Variants in ZNF518A observed in about 807,000 individuals in gnomAD.
ZNF518A encodes zinc finger protein 518.
A neutral mutation model predicts 102.7 loss-of-function variants in ZNF518A; 47 were observed. The ratio of observed to expected loss-of-function variants is 0.46; its 90% CI spans 0.36 to 0.58. The LOEUF is 0.58. Ranked by LOEUF, ZNF518A falls within the 20% of genes least tolerant of loss-of-function variation. The probability of loss-of-function intolerance (pLI) is 0.00; values close to 1 mark genes in which losing one functional copy is unlikely to be tolerated. For missense variants in ZNF518A, 1,793 were observed against 1,699.8 expected (o/e 1.05, Z -0.96); for synonymous variants, 652 against 594.6 (o/e 1.10, Z -1.40).
At chr10:96,183,000 G>A (rs1038529665) in intron 1 of ZNF518A, among the ~76,000 whole-genome samples, 1 of 152,088 alleles carries the variant, frequency 6.6e-6, no homozygotes, top group Admixed American at 6.5e-5. Flanking sequence ...CAATTTCAGA[G>A]CCTGTTATTT....
Position 96,157,023 on chromosome 10 carries a change from A to G in ZNF518A, c.701A>G (p.Tyr234Cys), listed in dbSNP as rs587723841. ...ATTCATAGACATAATGAAATTCATT[A>G]TAAGTGTGGTAAATGTCATCATGTA... Reference protein sequence around the residue: ...QHIHRHNEIHYKCGKCHHVCF... With the variant: ...QHIHRHNEIHCKCGKCHHVCF... The change falls in exon 6 of 6, where the codon TAT becomes TGT. Residue 234 changes from tyrosine to cysteine, a missense_variant. This residue lies in a region of ZNF518A where 1,741 missense variants were observed against 1,622.6 expected (regional missense o/e 1.07). Coordinates refer to ENST00000316045, the MANE Select transcript of ZNF518A (RefSeq NM_001330736.2). The G allele has an allele frequency of 1.3e-5, 21 of 1,613,842 alleles. No individual in the cohort carries two copies. The highest frequency in any genetic ancestry group is 2.2e-5 in the East Asian group (1 of 44,876).
chr10:96,144,354 A>G (rs587684389), intron 3 of ZNF518A, among the ~76,000 whole-genome samples: 5 of 152,218 alleles, frequency 3.3e-5, no homozygotes, highest in African/African-American at 1.2e-4. Context: ...TCAATTCAGT[A>G]CACATACTTC....
chr10:96,183,940 G>A (rs1444083196), intron 1 of ZNF518A, among the ~76,000 whole-genome samples: 4 of 152,018 alleles, frequency 2.6e-5, no homozygotes, highest in African/African-American at 9.7e-5. Flanking sequence ...TATTATTGTT[G>A]GGTATCTAAA....
intron 3 of ZNF518A, among the ~76,000 whole-genome samples, chr10:96,154,393 T>TC (rs587649902): frequency 5.9e-4 from 90 of 152,208 alleles, no homozygotes; most frequent in African/African-American, 2.1e-3. Flanking sequence ...TTTCCTTCCT[T>TC]CTTTCGTTTC....
At chr10:96,167,530 G>C (rs2083148900), downstream of ZNF518A, among the ~76,000 whole-genome samples, 1 of 152,120 alleles carries the variant, frequency 6.6e-6, no homozygotes, top group Admixed American at 6.5e-5. Flanking sequence ...GTCTCACCAA[G>C]TAGAGAACAT....
At chr10:96,171,457 GA>G (rs2083172969) in intron 1 of ZNF518A, among the ~76,000 whole-genome samples, 1 of 152,166 alleles carries the variant, frequency 6.6e-6, no homozygotes, top group Non-Finnish European at 1.5e-5. Context: ...CCATTCATAT[GA>G]AATGTCAAGA....
At chr10:96,172,730 C>A (rs2083180824) in intron 1 of ZNF518A, among the ~76,000 whole-genome samples, 1 of 151,212 alleles carries the variant, frequency 6.6e-6, no homozygotes, top group Non-Finnish European at 1.5e-5. Flanking sequence ...TTTAAAATAG[C>A]CAAAGAAAAC....
intron 3 of ZNF518A, among the ~76,000 whole-genome samples, chr10:96,139,760 G>A (rs2081818515): frequency 6.6e-6 from 1 of 152,200 alleles, no homozygotes; most frequent in Non-Finnish European, 1.5e-5. Context: ...CAGTTAGGAG[G>A]ATGTTTTCAT....
rs587627772 is a variant in ZNF518A, at chr10:96,157,038, G to A, written c.716G>A (p.Cys239Tyr). Residue 239 changes from cysteine (C) to tyrosine (Y), a missense_variant, in exon 6 of 6, where the codon TGT becomes TAT. By Grantham distance (194) the Cys-to-Tyr change is radical. This residue lies in a region of ZNF518A where 1,741 missense variants were observed against 1,622.6 expected (regional missense o/e 1.07). Coordinates refer to ENST00000316045, the MANE Select transcript of ZNF518A (RefSeq NM_001330736.2). ...HNEIHYKCGK[C>Y]HHVCFTKGEL... ...GAAATTCATTATAAGTGTGGTAAAT[G>A]TCATCATGTATGTTTTACCAAAGGA... 1.2e-6 allele frequency: 2 copies of A among 1,613,706 alleles called. No individual in the cohort carries two copies. The highest frequency in any genetic ancestry group is 1.7e-5 in the Admixed American group (1 of 60,008).
chr10:96,189,721 T>TCAC (rs2083299498), intron 1 of ZNF518A: 3 of 720,276 alleles, frequency 4.2e-6, no homozygotes, highest in Non-Finnish European at 7.7e-6. Flanking sequence ...ATCATCATCA[T>TCAC]CATCATCATC....
intron 3 of ZNF518A, among the ~76,000 whole-genome samples, chr10:96,142,943 A>T (rs2082007961): frequency 6.6e-6 from 1 of 151,790 alleles, no homozygotes; most frequent in Non-Finnish European, 1.5e-5. Flanking sequence ...AGTAGCTGGG[A>T]TTACAGGCAC....
chr10:96,145,437 C>A (rs995608389), intron 3 of ZNF518A, among the ~76,000 whole-genome samples: 10 of 152,338 alleles, frequency 6.6e-5, no homozygotes, highest in African/African-American at 2.4e-4. Context: ...ATTCCCATTA[C>A]TTTTTAGGTA....
At chr10:96,141,514 T>C (rs2081925485) in intron 3 of ZNF518A, among the ~76,000 whole-genome samples, 1 of 152,166 alleles carries the variant, frequency 6.6e-6, no homozygotes, top group Non-Finnish European at 1.5e-5. Context: ...TGAGAAGTCA[T>C]AGTTTCAGGG....
chr10:96,166,249 A>G (rs1201988415), downstream of ZNF518A, among the ~76,000 whole-genome samples: 1 of 152,242 alleles, frequency 6.6e-6, no homozygotes, highest in African/African-American at 2.4e-5. Flanking sequence ...AATGGCTCAC[A>G]TACCAGTCTC....
chr10:96,163,023 G>A lies in ZNF518A; in HGVS notation c.*2249G>A, dbSNP rs3748225. 4,688 of 166,444 alleles carry A rather than the reference G, an allele frequency of 0.028. 242 individuals carry two copies. Among genetic ancestry groups the A allele is most frequent in the East Asian group, 0.18 (908 of 5,178 alleles). 10.3% of individuals were successfully genotyped at this position (166,444 alleles called of 1,614,324 possible). On this transcript the variant is annotated 3_prime_UTR_variant, in exon 6 of 6. Transcript: ENST00000316045. ...TGCTCTGTTTGTTACATATAGATCT[G>A]TTATGAGACATCACCTGCTGTAAAT...
At chr10:96,153,465 CATA>C (rs1407424647) in intron 3 of ZNF518A, among the ~76,000 whole-genome samples, 3 of 152,212 alleles carry the variant, frequency 2.0e-5, no homozygotes, top group African/African-American at 7.2e-5. Flanking sequence ...TAATTGAAGA[CATA>C]GTAGACTCTC....
At chr10:96,196,793 A>G (rs2083477581) in intron 1 of ZNF518A, 2 of 1,031,646 alleles carry the variant, frequency 1.9e-6, no homozygotes, top group South Asian at 2.7e-5. Flanking sequence ...TTATGCAAGC[A>G]TTAGAACAAG....
chr10:96,141,044 T>G (rs782232963), intron 3 of ZNF518A, among the ~76,000 whole-genome samples: 4 of 152,194 alleles, frequency 2.6e-5, no homozygotes, highest in Non-Finnish European at 5.9e-5. Context: ...CTTTGAAGTT[T>G]GCTAGAAAGT....
chr10:96,182,757 T>A (rs1326386351), intron 1 of ZNF518A, among the ~76,000 whole-genome samples: 2 of 152,244 alleles, frequency 1.3e-5, no homozygotes, highest in Admixed American at 6.5e-5. Flanking sequence ...TTTGCATCGA[T>A]ATTCATCAAG....
Sources: gnomAD v4.1 joint callset for allele counts (sites outside exome capture counted in the v4.1 genomes callset) on GRCh38, gnomAD v4.1.1 for gene constraint, gnomAD v4.1.1 regional missense constraint, MANE v1.5 for transcripts, NCBI Gene and HGNC (gene_info 2026-07-23, HGNC 2026-07-21) for gene names.